The following CLASP1 variants were observed in gnomAD, a reference collection of about 807,000 sequenced individuals.
CLASP1 encodes CLIP-associating protein 1.
A neutral mutation model predicts 192.3 loss-of-function variants in CLASP1; 38 were observed. That is an observed-to-expected ratio of 0.20 (90% confidence interval 0.15 to 0.26). The LOEUF (loss-of-function observed/expected upper bound fraction) is 0.26. CLASP1 is among the 10% of genes least tolerant of loss of function. The pLI is 1.00. For missense variants in CLASP1, 1,433 were observed against 1,932.5 expected (o/e 0.74, Z 4.85); for synonymous variants, 691 against 712.8 (o/e 0.97, Z 0.49).
At chr2:121,632,547 G>C (rs1426038728) in intron 1 of CLASP1, among the ~76,000 whole-genome samples, 1 of 151,832 alleles carries the variant, frequency 6.6e-6, no homozygotes, top group Non-Finnish European at 1.5e-5. Context: ...AAAAAAAAAG[G>C]AGGAAGTCTT....
In CLASP1 at chr2:121,468,967, C is replaced by G. The variant is rs538403102; in HGVS notation, c.865+841G>C. Among the ~76,000 whole-genome samples, 4 of 152,190 alleles carry G rather than the reference C, an allele frequency of 2.6e-5. No individual in the cohort carries two copies. In the South Asian group the frequency reaches 8.3e-4, roughly 32 times the overall value. On this transcript the variant is annotated intron_variant, in intron 9 of 39. Transcript: ENST00000263710. ...AGTTTTCAGCGCTTTTGTGTTGATT[C>G]TTTCTCATCTTTGTGGGCTTATCTA...
At chr2:121,409,810 C>T (rs1334628395) in intron 24 of CLASP1, among the ~76,000 whole-genome samples, 2 of 152,122 alleles carry the variant, frequency 1.3e-5, no homozygotes, top group African/African-American at 2.4e-5. Context: ...GAGCAGTTAC[C>T]CTGAACTCTA....
intron 25 of CLASP1, among the ~76,000 whole-genome samples, chr2:121,407,211 T>C (rs2077047413): frequency 7.8e-6 from 1 of 127,886 alleles, no homozygotes; most frequent in Non-Finnish European, 1.5e-5. Flanking sequence ...CGAGATTCCA[T>C]CTCAAAAAAA....
intron 20 of CLASP1, among the ~76,000 whole-genome samples, chr2:121,429,613 A>G (rs1390687223): frequency 6.6e-6 from 1 of 152,248 alleles, no homozygotes; most frequent in East Asian, 1.9e-4. Flanking sequence ...CATGGCAGGA[A>G]GAGAGGTGCG....
intron 37 of CLASP1, among the ~76,000 whole-genome samples, chr2:121,352,085 C>A (rs956827153): frequency 6.6e-6 from 1 of 152,140 alleles, no homozygotes; most frequent in African/African-American, 2.4e-5. Context: ...GGTGTGGAGA[C>A]CCAGGAAGGA....
At chr2:121,574,327 C>CAA (rs35418553) in intron 2 of CLASP1, among the ~76,000 whole-genome samples, 1 of 120,764 alleles carries the variant, frequency 8.3e-6, no homozygotes, top group Non-Finnish European at 1.8e-5. Flanking sequence ...GACTCCATCT[C>CAA]AAAAAAAAAA....
At chr2:121,418,192 G>A (rs151216060) in intron 23 of CLASP1, among the ~76,000 whole-genome samples, 32 of 152,300 alleles carry the variant, frequency 2.1e-4, no homozygotes, top group Admixed American at 5.2e-4. Flanking sequence ...TATCGCTATT[G>A]TACTTTTGTT....
At chr2:121,605,425 G>A (rs966430879) in intron 2 of CLASP1, among the ~76,000 whole-genome samples, 2 of 152,170 alleles carry the variant, frequency 1.3e-5, no homozygotes, top group Non-Finnish European at 2.9e-5. Flanking sequence ...GGCTACAAAT[G>A]CTTGTCAACT....
chr2:121,483,492 A>G (rs547112308), intron 8 of CLASP1, among the ~76,000 whole-genome samples: 14 of 151,722 alleles, frequency 9.2e-5, no homozygotes, highest in East Asian at 3.9e-4. Flanking sequence ...GTATATATAT[A>G]TGTGTGTATA....
At chr2:121,380,863 G>A (rs922597314) in intron 33 of CLASP1, among the ~76,000 whole-genome samples, 1 of 152,162 alleles carries the variant, frequency 6.6e-6, no homozygotes, top group Non-Finnish European at 1.5e-5. Flanking sequence ...TATGTATCGT[G>A]TATGTATGTG....
At chr2:121,629,053 C>T (rs761572033) in intron 1 of CLASP1, among the ~76,000 whole-genome samples, 79 of 151,918 alleles carry the variant, frequency 5.2e-4, no homozygotes, top group African/African-American at 1.8e-3. Flanking sequence ...AATTACAGTA[C>T]ATCCGTACAA....
At chr2:121,340,228 C>T (rs1188522443) in exon 40 of CLASP1, 1 of 152,270 alleles carries the variant, frequency 6.6e-6, no homozygotes, top group East Asian at 1.9e-4. Context: ...TCAGGGTGCA[C>T]TCCCAATTCT....
rs1003309305 is a variant in CLASP1 at position 121,460,217 on chromosome 2, T to C, written c.1033-92A>G. The C allele has an allele frequency of 2.2e-5, 23 of 1,039,146 alleles. No homozygotes were observed. The African/African-American group carries it at 3.2e-4, about 14-fold the overall frequency. 64.4% of individuals were successfully genotyped at this position (1,039,146 alleles called of 1,614,324 possible). A position where few individuals can be genotyped will look rare whatever the true frequency, so the allele number is the denominator to read the frequency against. On this transcript the variant is annotated intron_variant, in intron 11 of 39. Coordinates refer to ENST00000263710, the Ensembl canonical transcript of CLASP1. ...AAGTCATCAAATACAAAAGAGATCA[T>C]TGTTAAAGTTCAACTGATTAGAAAG...
chr2:121,340,865 C>T (rs2062696884), exon 40 of CLASP1: 4 of 1,610,564 alleles, frequency 2.5e-6, no homozygotes, highest in Non-Finnish European at 3.4e-6. Flanking sequence ...CTGCCATTAG[C>T]TGTGCGTGGA....
chr2:121,594,335 AT>A (rs2062844871), intron 2 of CLASP1, among the ~76,000 whole-genome samples: 1 of 151,890 alleles, frequency 6.6e-6, no homozygotes, highest in Non-Finnish European at 1.5e-5. Context: ...TATAAAGGAC[AT>A]TAGCATGACA....
chr2:121,476,111 T>C (rs573117852), intron 8 of CLASP1, among the ~76,000 whole-genome samples: 5 of 152,142 alleles, frequency 3.3e-5, no homozygotes, highest in African/African-American at 1.2e-4. Flanking sequence ...ACAGTAAAAA[T>C]AAAGCCAGAT....
chr2:121,615,039 T>G (rs771566954), intron 1 of CLASP1, among the ~76,000 whole-genome samples: 38 of 152,226 alleles, frequency 2.5e-4, no homozygotes, highest in Non-Finnish European at 4.9e-4. Flanking sequence ...GGCTAGGATG[T>G]GCATTTAATA....
intron 19 of CLASP1, among the ~76,000 whole-genome samples, chr2:121,436,433 C>G (rs918509803): frequency 1.4e-5 from 2 of 148,056 alleles, no homozygotes; most frequent in African/African-American, 5.0e-5. Context: ...TTTTTTGAGA[C>G]AGAGTCTCAC....
intron 16 of CLASP1, 107 bp downstream of exon 16, chr2:121,450,806 G>A (rs2085323965): frequency 2.7e-6 from 2 of 754,354 alleles, no homozygotes; most frequent in Non-Finnish European, 4.3e-6. Context: ...AAAAGTCATG[G>A]TTAACAAATA....
Sources: gnomAD v4.1 joint callset for allele counts (sites outside exome capture counted in the v4.1 genomes callset) on GRCh38, gnomAD v4.1.1 for gene constraint, MANE v1.5 for transcripts, NCBI Gene and HGNC (gene_info 2026-07-23, HGNC 2026-07-21) for gene names.